GABRA2: variants seen among roughly 807,000 people sequenced by gnomAD.
The protein encoded by GABRA2 is gamma-aminobutyric acid receptor subunit alpha-2.
GABRA2 carries 16 observed loss-of-function variants against 48.7 expected under a neutral mutation model. The ratio of observed to expected loss-of-function variants is 0.33; its 90% confidence interval spans 0.22 to 0.50. The LOEUF is 0.50. Among genes scored for constraint, GABRA2 ranks in the 20% least tolerant of loss-of-function variants. GABRA2 has a pLI of 0.98. For missense variants in GABRA2, 275 were observed against 535.6 expected, an observed-to-expected ratio of 0.51 and a Z score of 4.80; for synonymous variants, 185 against 184.5, an observed-to-expected ratio of 1.00 and a Z score of -0.02.
rs138707936 is a variant in GABRA2, at chr4:46,244,978, A to G, written c.*5330T>C. On this transcript the variant is annotated 3_prime_UTR_variant, in exon 10 of 10. Transcript: ENST00000381620. ...ATATTCCCCAAAAGGCATGAATATA[A>G]ATTTGAATTAAAGCAAAGAAAAAAC... 2.4e-3 allele frequency among the ~76,000 whole-genome samples: 366 copies of G among 151,502 alleles called. 3 individuals carry two copies. The highest frequency in any genetic ancestry group is 8.5e-3 in the African/African-American group (353 of 41,492).
At position 46,244,735 on chromosome 4, in the gene GABRA2, A is replaced by T. The variant is rs932482929; in HGVS notation, c.*5573T>A. ...AAGTGCTTACTTTTGCTTAATCAACATTAATCATTTTTAATACGTGATCAT... is the reference window on the plus strand; with the variant it reads ...AAGTGCTTACTTTTGCTTAATCAACTTTAATCATTTTTAATACGTGATCAT... On this transcript the variant is annotated 3_prime_UTR_variant, in exon 10 of 10. Coordinates refer to ENST00000381620, the MANE Select transcript of GABRA2 (RefSeq NM_000807.4). Among the ~76,000 whole-genome samples the T allele has an allele frequency of 8.6e-5, 13 of 151,538 alleles. No individual in the cohort carries two copies. The highest frequency in any genetic ancestry group is 2.9e-4 in the African/African-American group (12 of 41,386).
At chr4:46,389,089 A>G in intron 1 of GABRA2, 3 of 1,016,432 alleles carry the variant, frequency 3.0e-6, no homozygotes, top group African/African-American at 3.4e-5. Flanking sequence ...TGGAAAGGGA[A>G]TGGGTTGGAG....
intron 4 of GABRA2, among the ~76,000 whole-genome samples, chr4:46,323,630 G>A (rs748499134): frequency 6.6e-6 from 1 of 151,574 alleles, no homozygotes; most frequent in East Asian, 1.9e-4. Context: ...AGGAAATCTC[G>A]TTGAAATGTA....
At chr4:46,315,814 T>A (rs915335922) in intron 4 of GABRA2, among the ~76,000 whole-genome samples, 2 of 151,836 alleles carry the variant, frequency 1.3e-5, no homozygotes, top group African/African-American at 4.8e-5. Context: ...TCATCACAAA[T>A]CTTATTGAAG....
chr4:46,314,593 T>C (rs1728226534), intron 4 of GABRA2, among the ~76,000 whole-genome samples: 1 of 152,022 alleles, frequency 6.6e-6, no homozygotes, highest in African/African-American at 2.4e-5. Context: ...ATCCAGAGAG[T>C]TAGCATGTTA....
At chr4:46,273,691 C>T (rs763052599) in intron 8 of GABRA2, among the ~76,000 whole-genome samples, 5 of 151,816 alleles carry the variant, frequency 3.3e-5, no homozygotes, top group African/African-American at 7.3e-5. Flanking sequence ...TGTCACTTAA[C>T]GACTGTGGCA....
chr4:46,387,764 G>C (rs1717666248), intron 2 of GABRA2, among the ~76,000 whole-genome samples: 1 of 152,004 alleles, frequency 6.6e-6, no homozygotes, highest in Admixed American at 6.5e-5. Flanking sequence ...CCATTACTTG[G>C]ACAATTAAAT....
intron 8 of GABRA2, among the ~76,000 whole-genome samples, chr4:46,296,392 C>T (rs1724693459): frequency 1.3e-5 from 2 of 152,102 alleles, no homozygotes; most frequent in Admixed American, 6.6e-5. Flanking sequence ...GCCACCTGGA[C>T]ACTTTGGGTT....
At position 46,249,697 on chromosome 4, in the gene GABRA2, C is replaced by A. The variant is rs983414998; in HGVS notation, c.*611G>T. On this transcript the variant is annotated 3_prime_UTR_variant, in exon 10 of 10. Coordinates refer to ENST00000381620, the MANE Select transcript of GABRA2 (RefSeq NM_000807.4). The stretch of plus-strand genomic sequence containing the variant: ...ATTACATCGTAGGCATAATTAACAT[C>A]CTTTCGGGCTGACTCATAATTATTT... 3.3e-5 allele frequency: 5 copies of A among 151,472 alleles called. No individual in the cohort carries two copies. In the South Asian group the frequency reaches 8.3e-4, roughly 25 times the overall value. The allele number at this position is 151,472 out of a possible 1,614,324, so 9.4% of individuals were successfully genotyped here.
chr4:46,333,323 A>C (rs1483432947), intron 3 of GABRA2, among the ~76,000 whole-genome samples: 1 of 152,118 alleles, frequency 6.6e-6, no homozygotes, highest in Middle Eastern at 3.2e-3. Flanking sequence ...ATGTAACATA[A>C]TAACTGTAAT....
At chr4:46,305,038 T>A (rs989089143) in intron 7 of GABRA2, among the ~76,000 whole-genome samples, 4 of 151,878 alleles carry the variant, frequency 2.6e-5, no homozygotes, top group Non-Finnish European at 5.9e-5. Context: ...TTTCTCAAAC[T>A]TCAATGCAAC....
Position 46,369,658 on chromosome 4 carries a change from A to T in GABRA2, c.187+16416T>A, listed in dbSNP as rs142333136. 3.2e-3 allele frequency among the ~76,000 whole-genome samples: 480 copies of T among 152,236 alleles called. 2 individuals are homozygous for T. The highest frequency in any genetic ancestry group is 0.011 in the African/African-American group (461 of 41,562). The stretch of plus-strand genomic sequence containing the variant: ...TTCATCATTTGTCTATCTATTCAAC[A>T]TATATGATTACTGTTATATCCTAAA... On this transcript the variant is annotated intron_variant, in intron 3 of 9. Transcript: ENST00000381620.
intron 3 of GABRA2, chr4:46,365,757 C>T (rs1404782518): frequency 6.6e-6 from 1 of 152,020 alleles, no homozygotes; most frequent in Admixed American, 6.6e-5. Flanking sequence ...GTTTTTCAAG[C>T]TCCAAAGCCT....
At chr4:46,315,137 C>CT (rs1286932551) in intron 4 of GABRA2, among the ~76,000 whole-genome samples, 1 of 116,830 alleles carries the variant, frequency 8.6e-6, no homozygotes. Context: ...TAGTCTGCAT[C>CT]TGTTTTTTTT....
chr4:46,332,468 A>T, intron 4 of GABRA2, 147 bp downstream of exon 4: 1 of 538,626 alleles, frequency 1.9e-6, no homozygotes, highest in Non-Finnish European at 3.4e-6. Flanking sequence ...ATAGATCCAA[A>T]CATCTTTAAC....
At chr4:46,348,154 G>T (rs1560560935) in intron 3 of GABRA2, among the ~76,000 whole-genome samples, 1 of 152,100 alleles carries the variant, frequency 6.6e-6, no homozygotes, top group East Asian at 1.9e-4. Flanking sequence ...CATTTATGCA[G>T]CCAAAAGTCA....
rs534582023 is a variant in GABRA2, at chr4:46,256,130, AT to A, written c.1060-5527del. ...TTACTTGTAAAATAACAACGTGCTCATTGGTCAGATAATGCTATTGTTAACT... is the reference window on the plus strand; with the variant it reads ...TTACTTGTAAAATAACAACGTGCTCATGGTCAGATAATGCTATTGTTAACT... On this transcript the variant is annotated intron_variant, in intron 9 of 9. Coordinates refer to ENST00000381620, the MANE Select transcript of GABRA2 (RefSeq NM_000807.4). 2,523 of 455,408 alleles carry A rather than the reference AT, an allele frequency of 5.5e-3. 18 individuals are homozygous for A. Among genetic ancestry groups the A allele is most frequent in the Non-Finnish European group, 7.8e-3 (1,985 of 254,520 alleles). The allele number at this position is 455,408 out of a possible 1,614,324, so 28.2% of individuals were successfully genotyped here. A position where few individuals can be genotyped will look rare whatever the true frequency, so the allele number is the denominator to read the frequency against.
intron 9 of GABRA2, among the ~76,000 whole-genome samples, chr4:46,260,537 C>T (rs186731930): frequency 5.3e-5 from 8 of 151,740 alleles, no homozygotes; most frequent in Admixed American, 4.0e-4. Flanking sequence ...AATTTATATA[C>T]GGGAATTCAT....
chr4:46,303,385 A>G, intron 8 of GABRA2, 75 bp downstream of exon 8: 1 of 1,404,474 alleles, frequency 7.1e-7, no homozygotes, highest in Middle Eastern at 1.8e-4. Flanking sequence ...TAGTTTGAGG[A>G]TCAAGAGAGA....
Sources: gnomAD v4.1 joint callset for allele counts (sites outside exome capture counted in the v4.1 genomes callset) on GRCh38, gnomAD v4.1.1 for gene constraint, MANE v1.5 for transcripts, NCBI Gene and HGNC (gene_info 2026-07-23, HGNC 2026-07-21) for gene names.